The following GNAO1 variants were observed in gnomAD, a reference collection of about 807,000 sequenced individuals.
The protein encoded by GNAO1 is guanine nucleotide-binding protein G(o) subunit alpha.
For synonymous variants in GNAO1, 164 were observed against 180.7 expected, an observed-to-expected ratio of 0.91 and a Z score of 0.74; for missense variants, 166 against 478.7, an observed-to-expected ratio of 0.35 and a Z score of 6.10.
intron 2 of GNAO1, among the ~76,000 whole-genome samples, chr16:56,217,432 A>G (rs1052963424): frequency 7.9e-5 from 12 of 152,178 alleles, no homozygotes; most frequent in African/African-American, 2.2e-4. Context: ...GCATCTTTCT[A>G]TTGTGAGTTG....
At chr16:56,313,834 A>C (rs1226783832) in intron 3 of GNAO1, among the ~76,000 whole-genome samples, 2 of 151,978 alleles carry the variant, frequency 1.3e-5, no homozygotes, top group East Asian at 3.9e-4. Flanking sequence ...CAATCCTCCC[A>C]CCTCAGCCTC....
chr16:56,285,119 G>T (rs1203903203), intron 3 of GNAO1, among the ~76,000 whole-genome samples: 1 of 152,188 alleles, frequency 6.6e-6, no homozygotes, highest in African/African-American at 2.4e-5. Context: ...CATGTTCATT[G>T]CCTGTAGAAA....
At chr16:56,293,382 C>T (rs948422932) in intron 3 of GNAO1, among the ~76,000 whole-genome samples, 2 of 152,098 alleles carry the variant, frequency 1.3e-5, no homozygotes, top group East Asian at 1.9e-4. Flanking sequence ...ATGACAGAGC[C>T]CACCTGAAAA....
At chr16:56,277,990 G>A (rs1432933359) in intron 3 of GNAO1, among the ~76,000 whole-genome samples, 12 of 152,180 alleles carry the variant, frequency 7.9e-5, no homozygotes, top group Admixed American at 7.2e-4. Context: ...TTGTTCCCAT[G>A]GGATTTTTTT....
At chr16:56,262,066 G>C (rs1180864218) in intron 2 of GNAO1, among the ~76,000 whole-genome samples, 4 of 152,194 alleles carry the variant, frequency 2.6e-5, no homozygotes, top group African/African-American at 9.7e-5. Flanking sequence ...CTGGGACTTA[G>C]GCTAGAAGTG....
intron 6 of GNAO1, chr16:56,347,735 G>A (rs2037885285): frequency 2.0e-6 from 2 of 984,452 alleles, no homozygotes; most frequent in Non-Finnish European, 1.2e-6. Flanking sequence ...CAGCTCCGAG[G>A]CACCACTACT....
At chr16:56,342,564 C>G (rs1461720817) in intron 6 of GNAO1, among the ~76,000 whole-genome samples, 1 of 152,236 alleles carries the variant, frequency 6.6e-6, no homozygotes, top group Admixed American at 6.5e-5. Context: ...TGTGTTGCCC[C>G]CTGAGGAAGG....
intron 6 of GNAO1, chr16:56,340,803 G>A (rs762276935): frequency 1.4e-5 from 22 of 1,603,760 alleles, no homozygotes; most frequent in Admixed American, 1.3e-4. Context: ...GGATGCTGCC[G>A]CCCCTCACTC....
intron 3 of GNAO1, among the ~76,000 whole-genome samples, chr16:56,294,759 C>T (rs2143568437): frequency 6.6e-6 from 1 of 152,300 alleles, no homozygotes; most frequent in East Asian, 1.9e-4. Context: ...TGTTGTCCTG[C>T]ACACTCACTG....
chr16:56,267,046 G>A (rs2036961125), intron 2 of GNAO1, among the ~76,000 whole-genome samples: 1 of 152,158 alleles, frequency 6.6e-6, no homozygotes, highest in African/African-American at 2.4e-5. Flanking sequence ...GAGTCAGGAA[G>A]CCAGGTCCCT....
At chr16:56,254,996 G>A (rs535765491) in intron 2 of GNAO1, among the ~76,000 whole-genome samples, 3 of 152,282 alleles carry the variant, frequency 2.0e-5, no homozygotes, top group Non-Finnish European at 2.9e-5. Flanking sequence ...GGGATGAGAC[G>A]TTAAAATTGT....
intron 3 of GNAO1, among the ~76,000 whole-genome samples, chr16:56,288,180 C>G (rs764608591): frequency 1.3e-5 from 2 of 152,248 alleles, no homozygotes; most frequent in African/African-American, 2.4e-5. Context: ...ACGTGGCCTT[C>G]TCTGTGCCAG....
At chr16:56,329,645 T>TG (rs1169673700) in intron 4 of GNAO1, among the ~76,000 whole-genome samples, 3 of 152,310 alleles carry the variant, frequency 2.0e-5, no homozygotes, top group Non-Finnish European at 2.9e-5. Flanking sequence ...TTTCGGGAAA[T>TG]GCACCCCACC....
intron 3 of GNAO1, among the ~76,000 whole-genome samples, chr16:56,284,446 A>G (rs942064233): frequency 1.3e-5 from 2 of 152,248 alleles, no homozygotes; most frequent in Admixed American, 6.5e-5. Flanking sequence ...TGGCAGCATC[A>G]GTGGCTTTCC....
chr16:56,320,294 C>T (rs139215735), intron 3 of GNAO1, among the ~76,000 whole-genome samples: 96 of 152,284 alleles, frequency 6.3e-4, no homozygotes, highest in South Asian at 3.9e-3. Context: ...CAGCCTATGA[C>T]GTGGAGCCGT....
intron 2 of GNAO1, among the ~76,000 whole-genome samples, chr16:56,273,392 C>G (rs1312248531): frequency 6.6e-6 from 1 of 151,906 alleles, no homozygotes; most frequent in East Asian, 1.9e-4. Context: ...TAATGTCTTC[C>G]ATTTCTTTCC....
chr16:56,270,151 G>C (rs1358562120), intron 2 of GNAO1: 12 of 152,228 alleles, frequency 7.9e-5, no homozygotes, highest in Non-Finnish European at 1.5e-4. Context: ...GCCACCCTCT[G>C]TCTCTCCCCA....
At chr16:56,260,237 G>A (rs771419507) in intron 2 of GNAO1, among the ~76,000 whole-genome samples, 29 of 152,284 alleles carry the variant, frequency 1.9e-4, no homozygotes, top group African/African-American at 5.1e-4. Flanking sequence ...CTACTGTGGC[G>A]TGGCTAAGTG....
Position 56,308,895 on chromosome 16 carries a change from A to T in GNAO1, c.304-19736A>T, listed in dbSNP as rs115107373. ...AGGCCAGCTCAGAGGACGGGTTAGGATGGAGGGGCCAGAGACCCCCACCCC... is the reference window on the plus strand; with the variant it reads ...AGGCCAGCTCAGAGGACGGGTTAGGTTGGAGGGGCCAGAGACCCCCACCCC... On this transcript the variant is annotated intron_variant, in intron 3 of 8. Transcript: ENST00000262493. Among the ~76,000 whole-genome samples, 840 of 152,196 alleles carry T rather than the reference A, an allele frequency of 5.5e-3. 7 individuals carry two copies. The highest frequency in any genetic ancestry group is 0.019 in the African/African-American group (773 of 41,536).
Sources: gnomAD v4.1 joint callset for allele counts (sites outside exome capture counted in the v4.1 genomes callset) on GRCh38, gnomAD v4.1.1 for gene constraint, MANE v1.5 for transcripts, NCBI Gene and HGNC (gene_info 2026-07-23, HGNC 2026-07-21) for gene names.